The following STT3B variants were observed in gnomAD, a reference collection of about 807,000 sequenced individuals.
The protein encoded by STT3B is dolichyl-diphosphooligosaccharide--protein glycosyltransferase subunit STT3B.
STT3B carries 29 observed loss-of-function variants against 96.8 expected under a neutral mutation model. The ratio of observed to expected loss-of-function variants is 0.30; its 90% CI spans 0.22 to 0.41. The LOEUF (loss-of-function observed/expected upper bound fraction) is 0.41. Ranked by LOEUF, STT3B falls within the 10% of genes least tolerant of loss-of-function variation. The pLI is 1.00. For missense variants in STT3B, 640 were observed against 1,022.3 expected, an observed-to-expected ratio of 0.63 and a Z score of 5.10; for synonymous variants, 367 against 360.0, an observed-to-expected ratio of 1.02 and a Z score of -0.22.
chr3:31,609,078 G>A (rs947545319), intron 5 of STT3B, among the ~76,000 whole-genome samples: 1 of 152,158 alleles, frequency 6.6e-6, no homozygotes, highest in African/African-American at 2.4e-5. Flanking sequence ...TCATGCCACT[G>A]CACTCCAGCC....
At position 31,617,017 on chromosome 3, in the gene STT3B, G is replaced by C; in HGVS notation, c.1065G>C (p.Leu355Phe). The change falls in exon 7 of 16, where the codon TTG becomes TTC. Residue 355 changes from leucine (L) to phenylalanine (F), a missense_variant. Leu to Phe is a conservative substitution (Grantham distance 22). Coordinates refer to ENST00000295770, the MANE Select transcript of STT3B (RefSeq NM_178862.3). ...TKQEFQTLFFLGVSLAAGAVF... is the reference protein window; with the variant it reads ...TKQEFQTLFFFGVSLAAGAVF... Reference sequence around the variant, plus strand: ...AAGAGTTCCAGACCCTTTTCTTTTTGGGTGTATCACTAGCTGCAGGTGCTG... The same window carrying C: ...AAGAGTTCCAGACCCTTTTCTTTTTCGGTGTATCACTAGCTGCAGGTGCTG... 1 of 1,611,616 alleles carries C rather than the reference G, an allele frequency of 6.2e-7. No individual in the cohort carries two copies. Among genetic ancestry groups the C allele is most frequent in the South Asian group, 1.1e-5 (1 of 90,846 alleles).
At chr3:31,635,053 T>A (rs966473597) in intron 15 of STT3B, among the ~76,000 whole-genome samples, 3 of 152,194 alleles carry the variant, frequency 2.0e-5, no homozygotes, top group Admixed American at 6.5e-5. Context: ...ACATCATGGA[T>A]AAAGGAACAT....
intron 1 of STT3B, among the ~76,000 whole-genome samples, chr3:31,550,080 G>A (rs1435874731): frequency 6.6e-6 from 1 of 151,338 alleles, no homozygotes; most frequent in Non-Finnish European, 1.5e-5. Flanking sequence ...AATTAGTTTA[G>A]TAAATGTCCT....
intron 1 of STT3B, among the ~76,000 whole-genome samples, chr3:31,550,360 A>C (rs1414968759): frequency 6.6e-6 from 1 of 152,200 alleles, no homozygotes; most frequent in Non-Finnish European, 1.5e-5. Flanking sequence ...TGTGTTGCTC[A>C]AAGTAGAGAG....
chr3:31,623,656 T>C lies in STT3B; in HGVS notation c.1540-18T>C. On this transcript the variant is annotated intron_variant, in intron 10 of 15. Transcript: ENST00000295770. ...TCAAATAATGAATTTGTCTAACCAA[T>C]TTTTTTAATATCTTTAGGCAGGTAA... The C allele has an allele frequency of 1.3e-6, 2 of 1,566,888 alleles. No homozygotes were observed. Among genetic ancestry groups the C allele is most frequent in the Non-Finnish European group, 1.7e-6 (2 of 1,152,960 alleles).
At chr3:31,539,175 A>T (rs959942903) in intron 1 of STT3B, among the ~76,000 whole-genome samples, 3 of 152,126 alleles carry the variant, frequency 2.0e-5, no homozygotes, top group Non-Finnish European at 4.4e-5. Flanking sequence ...TAAATTAGTG[A>T]ATGCCTCTTT....
Position 31,532,990 on chromosome 3 carries a change from G to T in STT3B, c.-9G>T. 1 of 1,585,758 alleles carries T rather than the reference G, an allele frequency of 6.3e-7. No individual in the cohort carries two copies. The highest frequency in any genetic ancestry group is 1.1e-5 in the South Asian group (1 of 89,364). On this transcript the variant is annotated 5_prime_UTR_variant, in exon 1 of 16. Coordinates refer to ENST00000295770, the MANE Select transcript of STT3B (RefSeq NM_178862.3). ...AGGAGGAGAGCTAGACCCGCCGCCGGGGCACAACATGGCGGAGCCCTCGGC... is the reference window on the plus strand; with the variant it reads ...AGGAGGAGAGCTAGACCCGCCGCCGTGGCACAACATGGCGGAGCCCTCGGC...
intron 1 of STT3B, among the ~76,000 whole-genome samples, chr3:31,572,276 C>A (rs958177975): frequency 1.2e-4 from 17 of 147,558 alleles, no homozygotes; most frequent in Non-Finnish European, 2.5e-4. Context: ...CAACCTTGAA[C>A]CAGAATTTTC....
rs774711001 is a variant in STT3B, at chr3:31,600,352, T to C, written c.778-8T>C. 1.5e-6 allele frequency: 2 copies of C among 1,366,100 alleles called. No homozygotes were observed. The highest frequency in any genetic ancestry group is 1.4e-5 in the South Asian group (1 of 73,738). The allele number at this position is 1,366,100 out of a possible 1,614,324, so 84.6% of individuals were successfully genotyped here. On this transcript the variant is annotated splice_polypyrimidine_tract_variant and splice_region_variant and intron_variant, in intron 4 of 15. Transcript: ENST00000295770. ...TATATATTTAACTTAGCACTTCTTT[T>C]CCTATAGGTCTCTGCTTGGGGTGGT...
chr3:31,533,046 C>T lies in STT3B; in HGVS notation c.48C>T (p.Asn16=). Residue 16 remains asparagine (N), a synonymous_variant, in exon 1 of 16, where the codon AAC becomes AAT. Coordinates refer to ENST00000295770, the MANE Select transcript of STT3B (RefSeq NM_178862.3). ...APESKHKSSL[N]SSPWSGLMAL... ...AGAGCAAGCACAAGTCGTCCCTCAA[C>T]TCGTCCCCGTGGAGTGGCCTCATGG... is the stretch of plus-strand genomic sequence containing the variant. The T allele has an allele frequency of 6.3e-7, 1 of 1,586,824 alleles. No individual in the cohort carries two copies. The highest frequency in any genetic ancestry group is 1.4e-5 in the African/African-American group (1 of 71,392).
intron 2 of STT3B, among the ~76,000 whole-genome samples, chr3:31,577,406 G>A (rs953760590): frequency 6.6e-6 from 1 of 151,980 alleles, no homozygotes; most frequent in Non-Finnish European, 1.5e-5. Context: ...AAAACAAAAT[G>A]TATCTTTATT....
intron 1 of STT3B, among the ~76,000 whole-genome samples, chr3:31,564,144 T>TA (rs752070374): frequency 7.9e-4 from 120 of 152,052 alleles, no homozygotes; most frequent in Non-Finnish European, 1.3e-3. Context: ...TATTTCTATA[T>TA]AAAAAAAATA....
chr3:31,569,983 A>T (rs1698100329), intron 1 of STT3B, among the ~76,000 whole-genome samples: 1 of 152,130 alleles, frequency 6.6e-6, no homozygotes, highest in Non-Finnish European at 1.5e-5. Flanking sequence ...ATTATGGAAA[A>T]TTTCAAACAT....
In STT3B at chr3:31,568,974, A is replaced by G. The variant is rs146603208; in HGVS notation, c.315-7422A>G. 5.4e-3 allele frequency among the ~76,000 whole-genome samples: 815 copies of G among 152,206 alleles called. 31 individuals carry two copies. The highest frequency in any genetic ancestry group is 0.042 in the Admixed American group (648 of 15,274). ...TACACCTACCAGCTCATAAAGTTCT[A>G]TTTAAGCTGAGTTTTCTTTTCTTTA... On this transcript the variant is annotated intron_variant, in intron 1 of 15. Coordinates refer to ENST00000295770, the MANE Select transcript of STT3B (RefSeq NM_178862.3).
intron 1 of STT3B, among the ~76,000 whole-genome samples, chr3:31,561,523 G>A (rs534847135): frequency 6.7e-4 from 102 of 152,074 alleles, no homozygotes; most frequent in African/African-American, 2.3e-3. Flanking sequence ...CATTCGTGCT[G>A]GAATTTTTTT....
Position 31,590,030 on chromosome 3 carries a change from G to A in STT3B, c.712-6768G>A, listed in dbSNP as rs10452006. Among the ~76,000 whole-genome samples the A allele has an allele frequency of 1.2e-3, 185 of 151,932 alleles. 2 individuals carry two copies. The highest frequency in any genetic ancestry group is 6.8e-3 in the Middle Eastern group (2 of 294). On this transcript the variant is annotated intron_variant, in intron 3 of 15. Coordinates refer to ENST00000295770, the MANE Select transcript of STT3B (RefSeq NM_178862.3). ...ATGAATTAAGCTTTTTAATGACATC[G>A]TATTATTCAGATTTTCTTTTTTCAT... is the stretch of plus-strand genomic sequence containing the variant.
intron 4 of STT3B, among the ~76,000 whole-genome samples, chr3:31,598,812 CT>C (rs1396789758): frequency 2.0e-3 from 280 of 143,122 alleles, no homozygotes; most frequent in Middle Eastern, 3.7e-3. Context: ...AATTTACTTA[CT>C]TTTTTTTTTT....
chr3:31,595,460 T>A (rs1338546307), intron 3 of STT3B, among the ~76,000 whole-genome samples: 1 of 152,216 alleles, frequency 6.6e-6, no homozygotes, highest in Non-Finnish European at 1.5e-5. Context: ...TTATAATTCT[T>A]CAGTGCCTGC....
At chr3:31,571,410 T>C (rs1698132473) in intron 1 of STT3B, among the ~76,000 whole-genome samples, 1 of 152,126 alleles carries the variant, frequency 6.6e-6, no homozygotes, top group African/African-American at 2.4e-5. Flanking sequence ...TATTTTATTC[T>C]AGGAAAATGA....
Sources: allele counts gnomAD v4.1 joint callset (sites outside exome capture counted in the v4.1 genomes callset), GRCh38; gene constraint gnomAD v4.1.1; transcripts MANE v1.5; gene names NCBI Gene and HGNC (gene_info 2026-07-23, HGNC 2026-07-21).